The following HEATR4 variants were observed in gnomAD, a reference collection of about 807,000 sequenced individuals.
HEATR4 encodes HEAT repeat containing 4, also known as HEAT repeat-containing protein 4.
In HEATR4, 95 loss-of-function variants were observed where a neutral mutation model predicts 108.8. That is an observed-to-expected ratio of 0.87 (90% CI 0.74 to 1.04). The LOEUF is 1.04. Ranked by LOEUF, HEATR4 falls within the 50% of genes least tolerant of loss-of-function variation. The pLI is 0.00. For synonymous variants in HEATR4, 443 were observed against 459.4 expected, an observed-to-expected ratio of 0.96 and a Z score of 0.46; for missense variants, 1,152 against 1,253.8, an observed-to-expected ratio of 0.92 and a Z score of 1.23.
chr14:73,571,512 G>A, the HEATR4 span: 1 of 152,010 alleles, frequency 6.6e-6, no homozygotes, highest in Admixed American at 6.6e-5. Context: ...TCACACCCGT[G>A]GGCCACTTTA....
chr14:73,598,009 C>CCA, the HEATR4 span, among the ~76,000 whole-genome samples: 1 of 151,628 alleles, frequency 6.6e-6, no homozygotes, highest in East Asian at 2.0e-4. Flanking sequence ...CAGGTGTGAG[C>CCA]CACTGCACCA....
At chr14:73,616,047 A>G in the HEATR4 span, among the ~76,000 whole-genome samples, 1 of 151,588 alleles carries the variant, frequency 6.6e-6, no homozygotes, top group African/African-American at 2.4e-5. Flanking sequence ...GGTCACCACA[A>G]ACTGGAACTC....
At chr14:73,490,100 G>C (rs961113451) in intron 17 of HEATR4, among the ~76,000 whole-genome samples, 3 of 152,144 alleles carry the variant, frequency 2.0e-5, no homozygotes, top group Non-Finnish European at 4.4e-5. Flanking sequence ...ATTTCTCCTG[G>C]GGAGTCTCTA....
intron 7 of HEATR4, among the ~76,000 whole-genome samples, chr14:73,510,877 G>C (rs1272009015): frequency 6.6e-6 from 1 of 152,116 alleles, no homozygotes; most frequent in African/African-American, 2.4e-5. Flanking sequence ...ACAATTCTAG[G>C]GTCCACAAAG....
At chr14:73,510,714 G>T (rs1887198078) in intron 7 of HEATR4, among the ~76,000 whole-genome samples, 1 of 152,194 alleles carries the variant, frequency 6.6e-6, no homozygotes, top group Non-Finnish European at 1.5e-5. Flanking sequence ...GGAATTACAA[G>T]TGTGAGCCAC....
At chr14:73,553,279 G>A (rs1421196523) in intron 1 of HEATR4, among the ~76,000 whole-genome samples, 1 of 114,360 alleles carries the variant, frequency 8.7e-6, no homozygotes, top group African/African-American at 2.8e-5. Context: ...GGCTGAGGTG[G>A]GCGGATTACC....
rs1466827803 is a variant in HEATR4, at chr14:73,552,041, C to T, written c.-152+6710G>A. Among the ~76,000 whole-genome samples, 2 of 114,328 alleles carry T rather than the reference C, an allele frequency of 1.7e-5. 1 individual carries two copies. Among genetic ancestry groups the T allele is most frequent in the Non-Finnish European group, 3.8e-5 (2 of 52,304 alleles). The allele number at this position is 114,328 out of a possible 152,430, so 75.0% of individuals were successfully genotyped here. On this transcript the variant is annotated intron_variant, in intron 1 of 17. Coordinates refer to ENST00000553558, the MANE Select transcript of HEATR4 (RefSeq NM_001220484.1). ...CCTAGGATCACAGTTAAACAGGGCT[C>T]TTGACCTTCAGGTGCCCGGTCAGGT...
the HEATR4 span, among the ~76,000 whole-genome samples, chr14:73,607,420 A>G: frequency 9.8e-5 from 15 of 152,312 alleles, no homozygotes; most frequent in African/African-American, 3.1e-4. Flanking sequence ...ACACAGCAGG[A>G]GGGCTCTGGA....
intron 17 of HEATR4, chr14:73,491,585 G>T (rs890618895): frequency 4.5e-6 from 7 of 1,544,594 alleles, no homozygotes; most frequent in African/African-American, 2.7e-5. Context: ...GCGCGTCTTG[G>T]CCGAGCTGAA....
At position 73,490,159 on chromosome 14, in the gene HEATR4, T is replaced by A. The variant is rs1885622344; in HGVS notation, c.2844+2907A>T. On this transcript the variant is annotated intron_variant, in intron 17 of 17. Transcript: ENST00000553558. ...TTGTTTTTTGAGACAAGAGTCTCAC[T>A]CTGTCGCCCAGGCTGGAGTGCAATG... Among the ~76,000 whole-genome samples, 3 of 152,326 alleles carry A rather than the reference T, an allele frequency of 2.0e-5. No homozygotes were observed. In the South Asian group the frequency reaches 6.2e-4, roughly 32 times the overall value.
chr14:73,628,977 C>T, the HEATR4 span, among the ~76,000 whole-genome samples: 1 of 151,730 alleles, frequency 6.6e-6, no homozygotes, highest in Non-Finnish European at 1.5e-5. Flanking sequence ...ATTCCCTGTA[C>T]CTGGGAGGTG....
intron 2 of HEATR4, among the ~76,000 whole-genome samples, chr14:73,524,180 T>C (rs1253389907): frequency 1.3e-5 from 2 of 150,574 alleles, no homozygotes; most frequent in Non-Finnish European, 1.5e-5. Context: ...TAATCCCAGC[T>C]ACTTGGGAGA....
At chr14:73,478,995 G>C (rs554620577) in intron 17 of HEATR4, among the ~76,000 whole-genome samples, 153 bp from the exon 18 acceptor site, 3 of 152,070 alleles carry the variant, frequency 2.0e-5, no homozygotes, top group South Asian at 4.2e-4. Flanking sequence ...CTGGAGTTCA[G>C]TGGCGCAATC....
At chr14:73,590,454 C>CT in the HEATR4 span, among the ~76,000 whole-genome samples, 1 of 152,282 alleles carries the variant, frequency 6.6e-6, no homozygotes, top group African/African-American at 2.4e-5. Context: ...GTGGAGCTGC[C>CT]TGCCAGTCCC....
the HEATR4 span, chr14:73,619,167 A>G: frequency 6.7e-7 from 1 of 1,496,732 alleles, no homozygotes; most frequent in Admixed American, 2.4e-5. Context: ...TGGAGAATGT[A>G]AAATCACTGT....
intron 17 of HEATR4, among the ~76,000 whole-genome samples, chr14:73,483,749 G>T (rs1885339559): frequency 6.6e-6 from 1 of 152,060 alleles, no homozygotes; most frequent in South Asian, 2.1e-4. Flanking sequence ...TCAAATGGAT[G>T]CATTTAAATT....
chr14:73,506,632 G>A, intron 9 of HEATR4, 61 bp from the exon 10 acceptor site: 1 of 1,281,050 alleles, frequency 7.8e-7, no homozygotes, highest in African/African-American at 1.5e-5. Context: ...CTAGAACCTT[G>A]AAGTTACATT....
rs368080449 is a variant in HEATR4, at chr14:73,531,817, C to A, written c.-151-1573G>T. Reference sequence around the variant, plus strand: ...GGCGGATCACCTGAGGTCAGGAGTTCGAGACCAGCCTGACCAACATGGTGA... The same window carrying A: ...GGCGGATCACCTGAGGTCAGGAGTTAGAGACCAGCCTGACCAACATGGTGA... On this transcript the variant is annotated intron_variant, in intron 1 of 17. Transcript: ENST00000553558. Among the ~76,000 whole-genome samples, 61 of 111,092 alleles carry A rather than the reference C, an allele frequency of 5.5e-4. 17 individuals carry two copies. In the South Asian group the frequency reaches 7.7e-3, roughly 14 times the overall value. The allele number at this position is 111,092 out of a possible 152,430, so 72.9% of individuals were successfully genotyped here.
At chr14:73,491,846 C>G (rs1273562565) in intron 17 of HEATR4, 1 of 1,609,482 alleles carries the variant, frequency 6.2e-7, no homozygotes, top group Middle Eastern at 1.7e-4. Flanking sequence ...GACCCTGAAC[C>G]CACCCGGCCG....
Sources: gnomAD v4.1 joint callset for allele counts (sites outside exome capture counted in the v4.1 genomes callset) on GRCh38, gnomAD v4.1.1 for gene constraint, MANE v1.5 for transcripts, NCBI Gene and HGNC (gene_info 2026-07-23, HGNC 2026-07-21) for gene names.